Variants in SLCO1A2 observed in about 807,000 individuals in gnomAD.
The protein encoded by SLCO1A2 is OATP-1.
In SLCO1A2, 67 loss-of-function variants were observed where a neutral mutation model predicts 69.0. The observed-to-expected ratio is 0.97, with a 90% CI of 0.80 to 1.19. The LOEUF (loss-of-function observed/expected upper bound fraction) is 1.19, where lower values mean the gene tolerates loss of function less well. SLCO1A2 is among the 50% of genes most tolerant of loss of function. The probability of loss-of-function intolerance (pLI) is 0.00; values close to 1 mark genes in which losing one functional copy is unlikely to be tolerated. For missense variants in SLCO1A2, 787 were observed against 793.7 expected, an observed-to-expected ratio of 0.99 and a Z score of 0.10; for synonymous variants, 260 against 265.9, an observed-to-expected ratio of 0.98 and a Z score of 0.22.
intron 1 of SLCO1A2, among the ~76,000 whole-genome samples, chr12:21,382,259 A>G (rs111588163): frequency 0.035 from 5,258 of 152,300 alleles, 145 homozygotes; most frequent in Admixed American, 0.07. Context: ...GTTCTCACTT[A>G]CAAGGGGGAG....
intron 9 of SLCO1A2, among the ~76,000 whole-genome samples, chr12:21,296,197 A>G (rs1018151316): frequency 6.6e-6 from 1 of 152,122 alleles, no homozygotes; most frequent in African/African-American, 2.4e-5. Context: ...TCAGTTACCT[A>G]TCCTCACTTT....
chr12:21,314,752 A>G, intron 3 of SLCO1A2, 71 bp from the exon 4 acceptor site: 1 of 1,146,050 alleles, frequency 8.7e-7, no homozygotes, highest in Non-Finnish European at 1.3e-6. Context: ...TCACCCAATC[A>G]TTTACATTCT....
intron 1 of SLCO1A2, among the ~76,000 whole-genome samples, chr12:21,393,701 T>C (rs1941276434): frequency 6.6e-6 from 1 of 152,202 alleles, no homozygotes; most frequent in Non-Finnish European, 1.5e-5. Flanking sequence ...TACTAATCCT[T>C]TTTTCAATCT....
intron 2 of SLCO1A2, among the ~76,000 whole-genome samples, chr12:21,362,919 G>T (rs983987219): frequency 6.6e-6 from 1 of 152,110 alleles, no homozygotes; most frequent in African/African-American, 2.4e-5. Context: ...CCTACAAAGA[G>T]ACTTAGACTC....
At chr12:21,416,260 G>A (rs181528242) in intron 1 of SLCO1A2, among the ~76,000 whole-genome samples, 7 of 151,664 alleles carry the variant, frequency 4.6e-5, no homozygotes, top group Admixed American at 1.3e-4. Context: ...AATCTGTCAG[G>A]CAATGCTGGG....
chr12:21,354,668 T>A (rs2137023649), intron 2 of SLCO1A2, among the ~76,000 whole-genome samples: 1 of 152,298 alleles, frequency 6.6e-6, no homozygotes. Context: ...GCTATGGTCG[T>A]AGGGAAACTT....
At chr12:21,301,997 T>G (rs1948772829) in intron 6 of SLCO1A2, among the ~76,000 whole-genome samples, 1 of 152,160 alleles carries the variant, frequency 6.6e-6, no homozygotes, top group Non-Finnish European at 1.5e-5. Context: ...CTCTGCCTTC[T>G]CCATGGTTCT....
chr12:21,365,888 G>T (rs975235996), intron 2 of SLCO1A2, among the ~76,000 whole-genome samples: 27 of 152,146 alleles, frequency 1.8e-4, no homozygotes, highest in African/African-American at 6.3e-4. Flanking sequence ...TCATTAAAAA[G>T]TCAGGAAACA....
chr12:21,418,028 T>G (rs763299658), upstream of SLCO1A2: 9 of 152,132 alleles, frequency 5.9e-5, no homozygotes, highest in African/African-American at 9.7e-5. Context: ...AAACTTTATA[T>G]CCTCATCCCC....
chr12:21,276,427 C>A (rs1014925568), intron 12 of SLCO1A2, among the ~76,000 whole-genome samples: 2 of 148,404 alleles, frequency 1.3e-5, no homozygotes, highest in Non-Finnish European at 3.0e-5. Flanking sequence ...CACACACAGA[C>A]CTATCTGTCC....
chr12:21,383,126 C>T (rs770617262), intron 1 of SLCO1A2, among the ~76,000 whole-genome samples: 1 of 152,052 alleles, frequency 6.6e-6, no homozygotes, highest in Non-Finnish European at 1.5e-5. Context: ...TTATGAGATA[C>T]TTTTGCTTTG....
At chr12:21,356,448 G>T (rs917475786) in intron 2 of SLCO1A2, among the ~76,000 whole-genome samples, 199 of 151,162 alleles carry the variant, frequency 1.3e-3, no homozygotes, top group African/African-American at 4.6e-3. Context: ...TATACCTAAA[G>T]ATAACAATAG....
At chr12:21,330,623 C>G (rs1952557293) in intron 2 of SLCO1A2, among the ~76,000 whole-genome samples, 1 of 152,084 alleles carries the variant, frequency 6.6e-6, no homozygotes. Context: ...GGCACAGGTT[C>G]TGAGATATCA....
upstream of SLCO1A2, among the ~76,000 whole-genome samples, chr12:21,397,002 G>A (rs1254310770): frequency 1.3e-5 from 2 of 150,932 alleles, no homozygotes; most frequent in Non-Finnish European, 3.0e-5. Context: ...ATAATGACAG[G>A]ATCAAATTCA....
intron 2 of SLCO1A2, among the ~76,000 whole-genome samples, chr12:21,351,964 C>A (rs113638309): frequency 6.6e-5 from 10 of 152,042 alleles, no homozygotes; most frequent in African/African-American, 2.2e-4. Flanking sequence ...TTTGAAATTG[C>A]CCTTAGGAGG....
chr12:21,337,542 A>T (rs1952934359), upstream of SLCO1A2, among the ~76,000 whole-genome samples: 1 of 151,766 alleles, frequency 6.6e-6, no homozygotes, highest in African/African-American at 2.4e-5. Flanking sequence ...GAAAAAAAAA[A>T]TTTACACTAG....
At chr12:21,389,764 T>C (rs1941061075) in intron 1 of SLCO1A2, among the ~76,000 whole-genome samples, 1 of 151,702 alleles carries the variant, frequency 6.6e-6, no homozygotes, top group South Asian at 2.1e-4. Context: ...ACAAATGGCA[T>C]AAGTGCCACT....
intron 1 of SLCO1A2, among the ~76,000 whole-genome samples, chr12:21,408,975 C>T (rs1941866624): frequency 6.6e-6 from 1 of 152,112 alleles, no homozygotes; most frequent in South Asian, 2.1e-4. Flanking sequence ...AAAAAGGCGG[C>T]AGAGGTAGAC....
intron 2 of SLCO1A2, chr12:21,373,701 A>C: frequency 1.4e-6 from 1 of 701,850 alleles, no homozygotes; most frequent in Non-Finnish European, 2.6e-6. Context: ...AGAGGGGCAA[A>C]GCCAGAACAT....
Sources: gnomAD v4.1 joint callset for allele counts (sites outside exome capture counted in the v4.1 genomes callset) on GRCh38, gnomAD v4.1.1 for gene constraint, MANE v1.5 for transcripts, NCBI Gene and HGNC (gene_info 2026-07-23, HGNC 2026-07-21) for gene names.